The following FYN variants were observed in gnomAD, a reference collection of about 807,000 sequenced individuals.
FYN encodes the protein tyrosine-protein kinase Fyn.
In FYN, 10 loss-of-function variants were observed where a neutral mutation model predicts 70.2. The ratio of observed to expected loss-of-function variants is 0.14; its 90% CI spans 0.09 to 0.24. The LOEUF (loss-of-function observed/expected upper bound fraction) is 0.24. Ranked by LOEUF, FYN falls within the 10% of genes least tolerant of loss-of-function variation. FYN has a pLI of 1.00. For missense variants in FYN, 319 were observed against 673.1 expected, an observed-to-expected ratio of 0.47 and a Z score of 5.82; for synonymous variants, 236 against 248.6, an observed-to-expected ratio of 0.95 and a Z score of 0.48.
At chr6:111,856,639 G>C (rs1023347238) in intron 1 of FYN, among the ~76,000 whole-genome samples, 2 of 152,088 alleles carry the variant, frequency 1.3e-5, no homozygotes, top group African/African-American at 4.8e-5. Context: ...TAAAATGTCA[G>C]TTAATAAATC....
At chr6:111,757,264 T>C (rs1418710834) in intron 3 of FYN, among the ~76,000 whole-genome samples, 2 of 152,222 alleles carry the variant, frequency 1.3e-5, no homozygotes, top group Admixed American at 6.5e-5. Context: ...CTTCATCTCC[T>C]GCTCTTCAAC....
chr6:111,738,483 G>C (rs1007998204), intron 3 of FYN, among the ~76,000 whole-genome samples: 1 of 152,234 alleles, frequency 6.6e-6, no homozygotes, highest in Non-Finnish European at 1.5e-5. Flanking sequence ...AGGGGTAATG[G>C]GGAATTGCAC....
chr6:111,834,082 TAGA>T (rs1773104863), intron 2 of FYN, among the ~76,000 whole-genome samples: 1 of 152,164 alleles, frequency 6.6e-6, no homozygotes, highest in African/African-American at 2.4e-5. Flanking sequence ...AAGCAAATGG[TAGA>T]AGAAGACCAT....
intron 2 of FYN, among the ~76,000 whole-genome samples, chr6:111,796,970 T>A (rs1440795507): frequency 6.6e-6 from 1 of 152,238 alleles, no homozygotes; most frequent in Non-Finnish European, 1.5e-5. Context: ...AGGGGCTATA[T>A]CATACTTTAA....
At chr6:111,719,278 T>C (rs1800822452) in intron 4 of FYN, among the ~76,000 whole-genome samples, 1 of 142,344 alleles carries the variant, frequency 7.0e-6, no homozygotes, top group African/African-American at 2.6e-5. Flanking sequence ...CAGCAGAATA[T>C]AGCCTTGTGG....
At chr6:111,853,934 T>A (rs1460340974) in intron 1 of FYN, among the ~76,000 whole-genome samples, 1 of 152,160 alleles carries the variant, frequency 6.6e-6, no homozygotes, top group Non-Finnish European at 1.5e-5. Context: ...AGATCAAGAC[T>A]AGAGAAGGGC....
chr6:111,675,521 T>C lies in FYN; in HGVS notation c.1274-891A>G, dbSNP rs1048631327. On this transcript the variant is annotated intron_variant, in intron 12 of 13. Coordinates refer to ENST00000354650, the MANE Select transcript of FYN (RefSeq NM_002037.5). ...AATTAAAAGGGATTCAGGCCGGGTG[T>C]GGTGGCTCACACCTGTAATCCCAGC... Among the ~76,000 whole-genome samples, 14 of 152,206 alleles carry C rather than the reference T, an allele frequency of 9.2e-5. 1 individual carries two copies. The highest frequency in any genetic ancestry group is 9.2e-4 in the Admixed American group (14 of 15,286).
At chr6:111,794,479 A>G (rs1479985859) in intron 2 of FYN, among the ~76,000 whole-genome samples, 1 of 152,212 alleles carries the variant, frequency 6.6e-6, no homozygotes, top group Non-Finnish European at 1.5e-5. Context: ...GAGAGTCTGC[A>G]GCCAGAAGAC....
chr6:111,754,081 G>A (rs1387883481), intron 3 of FYN, among the ~76,000 whole-genome samples: 3 of 152,180 alleles, frequency 2.0e-5, no homozygotes, highest in Non-Finnish European at 2.9e-5. Flanking sequence ...TAAATGCAAT[G>A]ATAATAAAAT....
Position 111,773,394 on chromosome 6 carries a change from G to A in FYN, c.-12+7172C>T, listed in dbSNP as rs1458062866. Among the ~76,000 whole-genome samples the A allele has an allele frequency of 9.9e-4, 12 of 12,110 alleles. 2 individuals are homozygous for A. Among genetic ancestry groups the A allele is most frequent in the African/African-American group, 4.7e-3 (11 of 2,336 alleles). The allele number at this position is 12,110 out of a possible 152,430, so 7.9% of individuals were successfully genotyped here. On this transcript the variant is annotated intron_variant, in intron 3 of 13. Coordinates refer to ENST00000354650, the MANE Select transcript of FYN (RefSeq NM_002037.5). ...GCAGAGGAGGAGGGGGGGAGGGGGA[G>A]GGAGGGAGGGAGGGGGTAGAGTGAG...
chr6:111,826,844 A>G (rs886089786), intron 2 of FYN, among the ~76,000 whole-genome samples: 1 of 152,232 alleles, frequency 6.6e-6, no homozygotes, highest in Non-Finnish European at 1.5e-5. Flanking sequence ...CCAGGGACCC[A>G]ATAAACATTT....
At chr6:111,852,518 A>G (rs1773712177) in intron 1 of FYN, among the ~76,000 whole-genome samples, 1 of 152,224 alleles carries the variant, frequency 6.6e-6, no homozygotes, top group Admixed American at 6.5e-5. Flanking sequence ...ATGGGGATTA[A>G]GAAGAGTACA....
chr6:111,805,763 C>T (rs1772127360), intron 2 of FYN, among the ~76,000 whole-genome samples: 1 of 152,136 alleles, frequency 6.6e-6, no homozygotes, highest in Non-Finnish European at 1.5e-5. Context: ...TTTAATGAGT[C>T]ATCAGCCCCC....
chr6:111,832,086 T>C lies in FYN; in HGVS notation c.-82+14503A>G, dbSNP rs369048599. 3.9e-4 allele frequency among the ~76,000 whole-genome samples: 59 copies of C among 152,322 alleles called. 1 individual carries two copies. The East Asian group carries it at 4.8e-3, about 12-fold the overall frequency. ...GCTTGTTGAATATCAATTGACATTA[T>C]AATCCATACATTAATGATGGTAAAC... On this transcript the variant is annotated intron_variant, in intron 2 of 13. Coordinates refer to ENST00000354650, the MANE Select transcript of FYN (RefSeq NM_002037.5).
chr6:111,737,879 AC>A (rs1469515540), intron 3 of FYN, among the ~76,000 whole-genome samples: 2 of 152,196 alleles, frequency 1.3e-5, no homozygotes, highest in Non-Finnish European at 2.9e-5. Context: ...TCACAATATC[AC>A]TAATGGCCTC....
chr6:111,695,710 G>C (rs1227811398), intron 10 of FYN, among the ~76,000 whole-genome samples: 1 of 152,164 alleles, frequency 6.6e-6, no homozygotes, highest in African/African-American at 2.4e-5. Flanking sequence ...AAAACAAAAT[G>C]ATCTCTGGCC....
chr6:111,672,516 T>C (rs573160834), intron 13 of FYN, among the ~76,000 whole-genome samples: 8 of 152,344 alleles, frequency 5.3e-5, no homozygotes, highest in South Asian at 2.1e-4. Context: ...AATGAAGATC[T>C]AGGCCCCATA....
At chr6:111,684,782 C>T (rs1357861468) in intron 12 of FYN, among the ~76,000 whole-genome samples, 1 of 152,088 alleles carries the variant, frequency 6.6e-6, no homozygotes. Flanking sequence ...GTATTTAGTC[C>T]TTTTAAGAAG....
intron 3 of FYN, among the ~76,000 whole-genome samples, chr6:111,744,108 T>C (rs144127107): frequency 6.6e-6 from 1 of 152,324 alleles, no homozygotes; most frequent in Non-Finnish European, 1.5e-5. Context: ...CCATCTTGCC[T>C]TCCCCAGAGG....
Sources: gnomAD v4.1 joint callset for allele counts (sites outside exome capture counted in the v4.1 genomes callset) on GRCh38, gnomAD v4.1.1 for gene constraint, MANE v1.5 for transcripts, NCBI Gene and HGNC (gene_info 2026-07-23, HGNC 2026-07-21) for gene names.